The following PRH1 variants were observed in gnomAD, a reference collection of about 807,000 sequenced individuals.
The protein encoded by PRH1 is salivary acidic proline-rich phosphoprotein 1/2.
PRH1 carries 7 observed loss-of-function variants against 7.9 expected under a neutral mutation model. That is an observed-to-expected ratio of 0.89 (90% CI 0.50 to 1.67). PRH1 has a LOEUF of 1.67. Ranked by LOEUF, PRH1 falls within the 40% of genes most tolerant of loss-of-function variation. The pLI, the probability that PRH1 is intolerant of heterozygous loss-of-function variation, is 0.00. For synonymous variants in PRH1, 45 were observed against 80.8 expected, an observed-to-expected ratio of 0.56 and a Z score of 2.38; for missense variants, 109 against 223.6, an observed-to-expected ratio of 0.49 and a Z score of 3.27.
At chr12:11,077,953 C>T (rs1944354452) in intron 1 of PRH1, 2 of 909,078 alleles carry the variant, frequency 2.2e-6, no homozygotes, top group East Asian at 4.9e-5. Context: ...AGCAGCAAGC[C>T]AGATGCTGAA....
chr12:11,035,255 T>C (rs7297837), intron 1 of PRH1, among the ~76,000 whole-genome samples: 148,802 of 152,234 alleles, frequency 0.98, 72,793 homozygotes, highest in Middle Eastern at 1. Flanking sequence ...GCCCCATTTG[T>C]TCTCTTCTAA....
rs1555163213 is a variant in PRH1 at position 11,091,115 on chromosome 12, C to CAT, written n.124-43929_124-43928dup. ...ACACAAATACACACACACACACACA[C>CAT]ATATATATATATATATATATATATA... On this transcript the variant is annotated intron_variant and non_coding_transcript_variant, in intron 1 of 4. Transcript: ENST00000541977. Among the ~76,000 whole-genome samples, 40 of 25,126 alleles carry CAT rather than the reference C, an allele frequency of 1.6e-3. 8 individuals are homozygous for CAT. The highest frequency in any genetic ancestry group is 3.0e-3 in the African/African-American group (38 of 12,754). 16.5% of individuals were successfully genotyped at this position (25,126 alleles called of 152,430 possible).
At chr12:11,022,868 A>T (rs78962165) in intron 1 of PRH1, among the ~76,000 whole-genome samples, 2 of 151,764 alleles carry the variant, frequency 1.3e-5, no homozygotes, top group Admixed American at 1.3e-4. Context: ...GAAGTGGAAA[A>T]TGAATTCTCA....
intron 2 of PRH1, among the ~76,000 whole-genome samples, chr12:10,954,331 AG>A (rs1937843447): frequency 6.6e-6 from 1 of 152,230 alleles, no homozygotes; most frequent in Non-Finnish European, 1.5e-5. Flanking sequence ...TGGATAAAGA[AG>A]CAAGACGCAA....
chr12:10,929,066 T>C (rs1319323175), intron 2 of PRH1, among the ~76,000 whole-genome samples: 6 of 152,144 alleles, frequency 3.9e-5, no homozygotes, highest in African/African-American at 1.2e-4. Flanking sequence ...AACAACATCC[T>C]CCCCAACCCT....
At chr12:11,119,511 G>C (rs1437356046), downstream of PRH1, among the ~76,000 whole-genome samples, 2 of 151,990 alleles carry the variant, frequency 1.3e-5, no homozygotes, top group Non-Finnish European at 2.9e-5. Flanking sequence ...TTGCATGCCT[G>C]TATCAACACA....
chr12:10,903,933 A>AAAAAAAAAAAAAAAAAAAAC (rs1949762278), intron 2 of PRH1, among the ~76,000 whole-genome samples: 1 of 123,508 alleles, frequency 8.1e-6, no homozygotes, highest in East Asian at 2.5e-4. Context: ...AATAGCCTCA[A>AAAAAAAAAAAAAAAAAAAAC]AAAAAAAAAA....
intron 2 of PRH1, among the ~76,000 whole-genome samples, chr12:10,896,250 G>A (rs11054066): frequency 0.5 from 75,412 of 152,022 alleles, 20,943 homozygotes; most frequent in East Asian, 0.72. Flanking sequence ...TTTGCTTAAA[G>A]GTTATTCATT....
At chr12:10,995,951 A>G (rs1940204008) in intron 1 of PRH1, among the ~76,000 whole-genome samples, 1 of 152,128 alleles carries the variant, frequency 6.6e-6, no homozygotes, top group Admixed American at 6.6e-5. Context: ...ATAAAAATGT[A>G]CACTAGATAT....
At chr12:10,908,618 A>G (rs1232571307) in intron 2 of PRH1, 11 of 1,613,960 alleles carry the variant, frequency 6.8e-6, no homozygotes, top group African/African-American at 4.0e-5. Context: ...AGGCATTTGT[A>G]TGGACCTTGG....
rs1351437571 is a variant in PRH1 at position 11,147,121 on chromosome 12, A to G, written n.39+24301T>C. Among the ~76,000 whole-genome samples the G allele has an allele frequency of 2.0e-5, 3 of 150,858 alleles. No homozygotes were observed. The South Asian group carries it at 6.3e-4, about 32-fold the overall frequency. ...TTAATAAGACTTTGCCACAACTTGC[A>G]TTGACTATATTAATCTAGAAAGAAA... On this transcript the variant is annotated intron_variant and non_coding_transcript_variant, in intron 1 of 1. Coordinates refer to the PRH1 transcript ENST00000541175.
At position 11,096,859 on chromosome 12, in the gene PRH1, G is replaced by A. The variant is rs1473577986; in HGVS notation, n.124-49671C>T. On this transcript the variant is annotated intron_variant and non_coding_transcript_variant, in intron 1 of 4. Transcript: ENST00000541977. ...GTCTCCCAGGCTGGAGTGCAGCGGCGCGATCTCGGCTCACTGCAAGCTCTG... is the reference window on the plus strand; with the variant it reads ...GTCTCCCAGGCTGGAGTGCAGCGGCACGATCTCGGCTCACTGCAAGCTCTG... Among the ~76,000 whole-genome samples, 5 of 114,396 alleles carry A rather than the reference G, an allele frequency of 4.4e-5. 1 individual carries two copies. The highest frequency in any genetic ancestry group is 1.5e-4 in the African/African-American group (5 of 34,038). 75.0% of individuals were successfully genotyped at this position (114,396 alleles called of 152,430 possible).
At chr12:10,999,094 C>G (rs1167336229) in intron 1 of PRH1, among the ~76,000 whole-genome samples, 1 of 151,972 alleles carries the variant, frequency 6.6e-6, no homozygotes, top group African/African-American at 2.4e-5. Flanking sequence ...TCCACCAAAC[C>G]CCAGCTTAAG....
At chr12:11,097,707 CA>C (rs966836913) in intron 1 of PRH1, among the ~76,000 whole-genome samples, 2 of 113,936 alleles carry the variant, frequency 1.8e-5, no homozygotes, top group Admixed American at 8.9e-5. Context: ...ATTTCAAAAA[CA>C]AATCATTTCA....
chr12:11,160,384 G>A lies in PRH1; in HGVS notation n.39+11038C>T, dbSNP rs1457746293. ...AAAATATACCAGAATTAAAGACGAG[G>A]AAGATACAAATGCTTCAGTGAAGAA... is the stretch of plus-strand genomic sequence containing the variant. On this transcript the variant is annotated intron_variant and non_coding_transcript_variant, in intron 1 of 1. Transcript: ENST00000541175. Among the ~76,000 whole-genome samples the A allele has an allele frequency of 2.6e-5, 4 of 152,170 alleles. No individual in the cohort carries two copies. The East Asian group carries it at 5.8e-4, about 22-fold the overall frequency.
At chr12:11,010,297 G>T (rs1199041345) in intron 1 of PRH1, among the ~76,000 whole-genome samples, 1 of 151,938 alleles carries the variant, frequency 6.6e-6, no homozygotes, top group Non-Finnish European at 1.5e-5. Flanking sequence ...GATAGGTGTA[G>T]ATGATTGATG....
At chr12:11,045,077 T>C (rs944254516) in intron 1 of PRH1, among the ~76,000 whole-genome samples, 3 of 152,114 alleles carry the variant, frequency 2.0e-5, no homozygotes, top group South Asian at 4.1e-4. Flanking sequence ...AACAGATTAA[T>C]AGATAAAGAT....
chr12:11,127,741 T>C (rs1294471126), intron 1 of PRH1, among the ~76,000 whole-genome samples: 11 of 152,294 alleles, frequency 7.2e-5, no homozygotes, highest in Non-Finnish European at 1.5e-4. Context: ...TCAAACTTAA[T>C]CTCTAAGGCT....
chr12:11,152,338 TAA>T lies in PRH1; in HGVS notation n.39+19082_39+19083del, dbSNP rs1947125422. On this transcript the variant is annotated intron_variant and non_coding_transcript_variant, in intron 1 of 1. Coordinates refer to the PRH1 transcript ENST00000541175. ...AAAGATAATTTGTGAGATAGTATAA[TAA>T]TACAAGAAAATTTCTTTCATTATTT... 2.7e-5 allele frequency among the ~76,000 whole-genome samples: 4 copies of T among 150,104 alleles called. No individual in the cohort carries two copies. In the South Asian group the frequency reaches 8.4e-4, roughly 31 times the overall value.
Sources: gnomAD v4.1 joint callset for allele counts (sites outside exome capture counted in the v4.1 genomes callset) on GRCh38, gnomAD v4.1.1 for gene constraint, MANE v1.5 for transcripts, NCBI Gene and HGNC (gene_info 2026-07-23, HGNC 2026-07-21) for gene names.